The following KCNJ1 variants were observed in gnomAD, a reference collection of about 807,000 sequenced individuals.
KCNJ1 encodes the protein potassium inwardly rectifying channel subfamily J member 1.
In KCNJ1, 24 loss-of-function variants were observed where a neutral mutation model predicts 21.9. The ratio of observed to expected loss-of-function variants is 1.10; its 90% confidence interval spans 0.79 to 1.54. KCNJ1 has a LOEUF of 1.54. Ranked by LOEUF, KCNJ1 falls within the 40% of genes most tolerant of loss-of-function variation. The pLI is 0.00. For missense variants in KCNJ1, 457 were observed against 455.4 expected (o/e 1.00, Z -0.03); for synonymous variants, 152 against 160.9 (o/e 0.94, Z 0.42).
At chr11:128,866,519 A>G in intron 1 of KCNJ1, 1 of 971,444 alleles carries the variant, frequency 1.0e-6, no homozygotes. Flanking sequence ...AAGGGGCTCC[A>G]TACCTGTTCA....
In KCNJ1 at chr11:128,839,980, T is replaced by G; in HGVS notation, c.264A>C (p.Lys88Asn). The G allele has an allele frequency of 6.2e-7, 1 of 1,614,138 alleles. No homozygotes were observed. Among genetic ancestry groups the G allele is most frequent in the South Asian group, 1.1e-5 (1 of 91,070 alleles). Residue 88 changes from lysine to asparagine, a missense_variant, in exon 3 of 3, where the codon AAA becomes AAC. By Grantham distance (94) the Lys-to-Asn change is moderately conservative (BLOSUM62 0). Transcript: ENST00000392666. Reference sequence around the variant, plus strand: ...CAGAAGGATGGAATTCCGGGAGGTCTTTGTGAATGTACGCTACTGCATACC... The same window carrying G: ...CAGAAGGATGGAATTCCGGGAGGTCGTTGTGAATGTACGCTACTGCATACC... ...LLWYAVAYIH[K>N]DLPEFHPSAN...
chr11:128,854,419 A>G (rs1015602868), intron 1 of KCNJ1, among the ~76,000 whole-genome samples: 3 of 152,096 alleles, frequency 2.0e-5, no homozygotes, highest in African/African-American at 7.2e-5. Flanking sequence ...CTCGCAGACA[A>G]GCCAGAGGCC....
At position 128,839,634 on chromosome 11, in the gene KCNJ1, C is replaced by G. The variant is rs766902166; in HGVS notation, c.610G>C (p.Gly204Arg). 6.2e-7 allele frequency: 1 copy of G among 1,613,780 alleles called. No homozygotes were observed. The highest frequency in any genetic ancestry group is 2.2e-5 in the East Asian group (1 of 44,884). The change falls in exon 3 of 3, where the codon GGC (glycine) becomes CGC (arginine). Residue 204 changes from glycine to arginine, a missense_variant. Transcript: ENST00000392666. ...AGAAGCTTTCCATAAATGTGACTGC[C>G]AATAAGAAGGCTCTTCCTGAGATTA... Reference protein sequence around the residue: ...VANLRKSLLIGSHIYGKLLKT... With the variant: ...VANLRKSLLIRSHIYGKLLKT...
rs189738637 is a variant in KCNJ1, at chr11:128,853,724, G to C, written c.-191-2834C>G. 9.9e-4 allele frequency among the ~76,000 whole-genome samples: 150 copies of C among 152,280 alleles called. 1 individual carries two copies. The highest frequency in any genetic ancestry group is 7.6e-3 in the Admixed American group (117 of 15,296). On this transcript the variant is annotated intron_variant, in intron 1 of 2. Coordinates refer to ENST00000392666, the MANE Select transcript of KCNJ1 (RefSeq NM_153766.3). ...AAAGTGCCTGTCACACAGTACAGTC[G>C]CGACCGACTTCCCCTCAACTCTCAA...
intron 1 of KCNJ1, among the ~76,000 whole-genome samples, chr11:128,857,279 G>C (rs577340260): frequency 6.6e-6 from 1 of 152,226 alleles, no homozygotes; most frequent in African/African-American, 2.4e-5. Context: ...CACTGCTCCA[G>C]TGGGAACTCC....
At chr11:128,859,812 C>T (rs1224339087) in intron 1 of KCNJ1, among the ~76,000 whole-genome samples, 2 of 152,208 alleles carry the variant, frequency 1.3e-5, no homozygotes, top group African/African-American at 2.4e-5. Flanking sequence ...AGTGGGGGAG[C>T]TGGGCAGGAA....
intron 1 of KCNJ1, among the ~76,000 whole-genome samples, chr11:128,858,095 CGAGAGATGGG>C (rs1314907554): frequency 1.5e-5 from 2 of 134,396 alleles, no homozygotes; most frequent in Non-Finnish European, 3.1e-5. Context: ...TCCACGATGG[CGAGAGATGGG>C]GAGGGATGGG....
chr11:128,852,973 C>T (rs1943503830), intron 1 of KCNJ1, among the ~76,000 whole-genome samples: 2 of 152,242 alleles, frequency 1.3e-5, no homozygotes, highest in Admixed American at 1.3e-4. Flanking sequence ...CATTCCTTTC[C>T]TTGTTTCTTT....
chr11:128,864,214 G>A (rs71481826), intron 1 of KCNJ1, among the ~76,000 whole-genome samples: 1 of 150,936 alleles, frequency 6.6e-6, no homozygotes, highest in Non-Finnish European at 1.5e-5. Context: ...AGCCCCCTGA[G>A]AAGCTGGGAC....
chr11:128,857,216 C>T (rs565908180), intron 1 of KCNJ1, among the ~76,000 whole-genome samples: 41 of 152,216 alleles, frequency 2.7e-4, no homozygotes, highest in Admixed American at 7.2e-4. Flanking sequence ...AGGGACCTAG[C>T]TCCATCACCA....
At chr11:128,863,519 T>C (rs1242768661) in intron 1 of KCNJ1, among the ~76,000 whole-genome samples, 4 of 152,198 alleles carry the variant, frequency 2.6e-5, no homozygotes, top group Admixed American at 2.6e-4. Flanking sequence ...AACAGGCTTC[T>C]TCTGAGAGAG....
At chr11:128,851,717 C>T (rs935971171) in intron 1 of KCNJ1, among the ~76,000 whole-genome samples, 4 of 152,138 alleles carry the variant, frequency 2.6e-5, no homozygotes, top group Admixed American at 6.5e-5. Context: ...CATGCTTTAC[C>T]GAGCGTCTGC....
At chr11:128,844,555 C>T (rs572867676) in intron 2 of KCNJ1, among the ~76,000 whole-genome samples, 3 of 152,270 alleles carry the variant, frequency 2.0e-5, no homozygotes, top group African/African-American at 7.2e-5. Context: ...AAAATATGTG[C>T]TTCATTTTTA....
At chr11:128,852,440 T>G (rs1358694521) in intron 1 of KCNJ1, among the ~76,000 whole-genome samples, 1 of 152,204 alleles carries the variant, frequency 6.6e-6, no homozygotes, top group African/African-American at 2.4e-5. Flanking sequence ...ACGGGTATCA[T>G]TGACCCTCAA....
At chr11:128,857,455 C>G (rs944541299) in intron 1 of KCNJ1, among the ~76,000 whole-genome samples, 2 of 152,186 alleles carry the variant, frequency 1.3e-5, no homozygotes, top group Non-Finnish European at 2.9e-5. Context: ...GCATGTGGAC[C>G]CACAGTAGAG....
At position 128,839,079 on chromosome 11, in the gene KCNJ1, C is replaced by T; in HGVS notation, c.*46G>A. 1 of 1,554,552 alleles carries T rather than the reference C, an allele frequency of 6.4e-7. No homozygotes were observed. Among genetic ancestry groups the T allele is most frequent in the South Asian group, 1.1e-5 (1 of 89,596 alleles). On this transcript the variant is annotated 3_prime_UTR_variant, in exon 3 of 3. Coordinates refer to ENST00000392666, the MANE Select transcript of KCNJ1 (RefSeq NM_153766.3). ...GACTGCTTCATAATGCTTCTAGGTA[C>T]TAGGAGCTTTAGAGACTTTGCTTTA...
intron 1 of KCNJ1, among the ~76,000 whole-genome samples, chr11:128,855,322 C>G (rs895438087): frequency 1.3e-5 from 2 of 152,144 alleles, no homozygotes; most frequent in African/African-American, 4.8e-5. Flanking sequence ...ACCTTTCCCA[C>G]CTTGCCAAGG....
chr11:128,841,261 A>G (rs1464190465), intron 2 of KCNJ1, among the ~76,000 whole-genome samples: 1 of 152,274 alleles, frequency 6.6e-6, no homozygotes. Flanking sequence ...TACTCCATAA[A>G]GACAGACCAT....
rs138444832 is a variant in KCNJ1 at position 128,858,164 on chromosome 11, G to A, written c.-191-7274C>T. Among the ~76,000 whole-genome samples, 986 of 149,902 alleles carry A rather than the reference G, an allele frequency of 6.6e-3. 10 individuals carry two copies. The highest frequency in any genetic ancestry group is 0.023 in the African/African-American group (935 of 40,610). On this transcript the variant is annotated intron_variant, in intron 1 of 2. Coordinates refer to ENST00000392666, the MANE Select transcript of KCNJ1 (RefSeq NM_153766.3). ...GGAAGGCGAGGGTTGGGGAGGGATG[G>A]CGAGGGATGGCGAGGGATGGGGAGG...
Sources: allele counts gnomAD v4.1 joint callset (sites outside exome capture counted in the v4.1 genomes callset), GRCh38; gene constraint gnomAD v4.1.1; transcripts MANE v1.5; gene names NCBI Gene and HGNC (gene_info 2026-07-23, HGNC 2026-07-21).